The following LYSMD2 variants were observed in gnomAD, a reference collection of about 807,000 sequenced individuals.
The protein encoded by LYSMD2 is LysM domain containing 2.
A neutral mutation model predicts 17.7 loss-of-function variants in LYSMD2; 6 were observed. The observed-to-expected ratio is 0.34, with a 90% confidence interval of 0.19 to 0.67. LYSMD2 has a LOEUF of 0.67. Ranked by LOEUF, LYSMD2 falls within the 30% of genes least tolerant of loss-of-function variation. The pLI, the probability that LYSMD2 is intolerant of heterozygous loss-of-function variation, is 0.69. For synonymous variants in LYSMD2, 102 were observed against 129.8 expected, an observed-to-expected ratio of 0.79 and a Z score of 1.45; for missense variants, 237 against 286.7, an observed-to-expected ratio of 0.83 and a Z score of 1.25.
At chr15:51,735,711 A>G (rs1242292877) in intron 1 of LYSMD2, among the ~76,000 whole-genome samples, 1 of 152,260 alleles carries the variant, frequency 6.6e-6, no homozygotes, top group Non-Finnish European at 1.5e-5. Flanking sequence ...AGGGATTAGA[A>G]AGCATTTGAT....
chr15:51,731,484 C>A (rs1014791027), intron 1 of LYSMD2, among the ~76,000 whole-genome samples: 3 of 152,182 alleles, frequency 2.0e-5, no homozygotes, highest in Non-Finnish European at 2.9e-5. Context: ...CTTTTCTCAG[C>A]AAGGTAACTT....
chr15:51,723,085 A>T lies in LYSMD2; in HGVS notation c.*522T>A, dbSNP rs2055512786. 1 of 151,716 alleles carries T rather than the reference A, an allele frequency of 6.6e-6. No individual in the cohort carries two copies. Among genetic ancestry groups the T allele is most frequent in the African/African-American group, 2.4e-5 (1 of 41,352 alleles). The allele number at this position is 151,716 out of a possible 1,614,324, so 9.4% of individuals were successfully genotyped here. On this transcript the variant is annotated 3_prime_UTR_variant, in exon 3 of 3. Coordinates refer to ENST00000267838, the MANE Select transcript of LYSMD2 (RefSeq NM_153374.3). ...AGACTCAAGTTTGAAAACATAGTTT[A>T]TTTTCTCATTCAGGCTTTTGTAGTT...
chr15:51,727,688 CAGGCAGTGAAGGGCT>C (rs2055548964), intron 1 of LYSMD2, among the ~76,000 whole-genome samples: 1 of 152,206 alleles, frequency 6.6e-6, no homozygotes, highest in Non-Finnish European at 1.5e-5. Context: ...AGGGAGTCCA[CAGGCAGTGAAGGGCT>C]AGGCTCCCCC....
At chr15:51,736,186 G>A (rs2055607489) in intron 1 of LYSMD2, among the ~76,000 whole-genome samples, 1 of 152,180 alleles carries the variant, frequency 6.6e-6, no homozygotes, top group Admixed American at 6.5e-5. Context: ...CGCAATGCCT[G>A]CCACACAGGA....
At chr15:51,727,106 T>C (rs1269947551) in intron 1 of LYSMD2, among the ~76,000 whole-genome samples, 1 of 151,878 alleles carries the variant, frequency 6.6e-6, no homozygotes, top group Non-Finnish European at 1.5e-5. Flanking sequence ...GTCAGAGGAG[T>C]GGGCATGGAA....
chr15:51,748,182 A>G lies in LYSMD2; in HGVS notation c.-1+3089T>C, dbSNP rs7180099. 9.6e-3 allele frequency among the ~76,000 whole-genome samples: 1,409 copies of G among 146,210 alleles called. 22 individuals are homozygous for G. The highest frequency in any genetic ancestry group is 0.034 in the African/African-American group (1,362 of 39,594). On this transcript the variant is annotated intron_variant, in intron 1 of 2. Coordinates refer to the LYSMD2 transcript ENST00000454181. ...CTACTCAGGAGGCTGAGGCAGGGGA[A>G]TCGCTTGAACCCAGAGGTTGCAGTG... is the stretch of plus-strand genomic sequence containing the variant.
At chr15:51,727,714 T>C (rs1595848271) in intron 1 of LYSMD2, among the ~76,000 whole-genome samples, 1 of 152,190 alleles carries the variant, frequency 6.6e-6, no homozygotes, top group South Asian at 2.1e-4. Context: ...AGGCTCCCCC[T>C]GGCTTCTGTA....
upstream of LYSMD2, among the ~76,000 whole-genome samples, chr15:51,739,549 T>C (rs1313733117): frequency 6.6e-6 from 1 of 152,212 alleles, no homozygotes; most frequent in African/African-American, 2.4e-5. Context: ...AAGAAGTCTC[T>C]TCCTTCAAAG....
At chr15:51,746,045 G>A (rs1320642090) in intron 1 of LYSMD2, among the ~76,000 whole-genome samples, 2 of 152,138 alleles carry the variant, frequency 1.3e-5, no homozygotes, top group African/African-American at 2.4e-5. Flanking sequence ...CAGTTTGGTG[G>A]TCCCTCAATA....
intron 1 of LYSMD2, among the ~76,000 whole-genome samples, chr15:51,729,204 T>C (rs890260569): frequency 2.6e-5 from 4 of 152,080 alleles, no homozygotes; most frequent in African/African-American, 9.7e-5. Context: ...TAGGGAGTAA[T>C]AAGCAAACTT....
At position 51,723,726 on chromosome 15, in the gene LYSMD2, A is replaced by C. The variant is rs142997886; in HGVS notation, c.606-77T>G. 73 of 1,059,252 alleles carry C rather than the reference A, an allele frequency of 6.9e-5. No homozygotes were observed. In the African/African-American group the frequency reaches 1.1e-3, roughly 16 times the overall value. The allele number at this position is 1,059,252 out of a possible 1,614,324, so 65.6% of individuals were successfully genotyped here. A position where few individuals can be genotyped will look rare whatever the true frequency, so the allele number is the denominator to read the frequency against. ...AACTAAAACATCAACTTATTATACA[A>C]TATCCACTTGCCAAAGAAGGAATAT... is the stretch of plus-strand genomic sequence containing the variant. On this transcript the variant is annotated intron_variant, in intron 2 of 2. Transcript: ENST00000267838.
intron 1 of LYSMD2, among the ~76,000 whole-genome samples, chr15:51,733,839 C>G (rs73405368): frequency 0.01 from 1,527 of 152,136 alleles, 17 homozygotes; most frequent in African/African-American, 0.022. Context: ...GTGCAAGAAC[C>G]CCAAGGAAGA....
intron 1 of LYSMD2, among the ~76,000 whole-genome samples, chr15:51,749,219 T>C (rs1595856529): frequency 6.6e-6 from 1 of 152,224 alleles, no homozygotes; most frequent in South Asian, 2.1e-4. Flanking sequence ...AGATAAGACA[T>C]AGGCAATAGA....
intron 1 of LYSMD2, among the ~76,000 whole-genome samples, chr15:51,746,705 A>C (rs540339758): frequency 1.3e-5 from 2 of 152,252 alleles, no homozygotes; most frequent in African/African-American, 4.8e-5. Flanking sequence ...TTATCAACTC[A>C]TGGCCAATCA....
intron 1 of LYSMD2, among the ~76,000 whole-genome samples, chr15:51,725,900 T>C (rs1468707353): frequency 2.0e-5 from 3 of 152,108 alleles, no homozygotes; most frequent in Admixed American, 1.3e-4. Context: ...ATGTTTAAAA[T>C]GGGATTTTTG....
At chr15:51,747,655 T>C (rs2141604607) in intron 1 of LYSMD2, among the ~76,000 whole-genome samples, 1 of 152,376 alleles carries the variant, frequency 6.6e-6, no homozygotes. Flanking sequence ...TCTGTGTATC[T>C]ATAAGCTTTC....
At chr15:51,740,537 T>C (rs1018006263), upstream of LYSMD2, among the ~76,000 whole-genome samples, 1 of 152,218 alleles carries the variant, frequency 6.6e-6, no homozygotes, top group African/African-American at 2.4e-5. Flanking sequence ...GAAATGAAGA[T>C]TGAAAAGAAA....
At chr15:51,740,743 G>A (rs1053690071), upstream of LYSMD2, among the ~76,000 whole-genome samples, 5 of 150,870 alleles carry the variant, frequency 3.3e-5, no homozygotes, top group Non-Finnish European at 5.9e-5. Flanking sequence ...AAAATACCTA[G>A]GAATAAATTT....
intron 1 of LYSMD2, among the ~76,000 whole-genome samples, chr15:51,725,435 TAATA>T (rs1436815759): frequency 6.6e-6 from 1 of 152,242 alleles, no homozygotes; most frequent in Non-Finnish European, 1.5e-5. Flanking sequence ...TTTTAGCACT[TAATA>T]AATTCCATTC....
Sources: allele counts gnomAD v4.1 joint callset (sites outside exome capture counted in the v4.1 genomes callset), GRCh38; gene constraint gnomAD v4.1.1; transcripts MANE v1.5; gene names NCBI Gene and HGNC (gene_info 2026-07-23, HGNC 2026-07-21).